Variants in OSBPL10 observed in about 807,000 individuals in gnomAD.
OSBPL10 encodes oxysterol binding protein like 10.
In OSBPL10, 49 loss-of-function variants were observed where a neutral mutation model predicts 81.7. The observed-to-expected ratio is 0.60, with a 90% CI of 0.48 to 0.76. The LOEUF is 0.76. OSBPL10 is among the 30% of genes least tolerant of loss of function. The pLI is 0.00. For synonymous variants in OSBPL10, 419 were observed against 383.6 expected (o/e 1.09, Z -1.08); for missense variants, 923 against 987.8 (o/e 0.93, Z 0.88).
intron 1 of OSBPL10, among the ~76,000 whole-genome samples, chr3:31,955,165 G>GA (rs544427182): frequency 1.7e-3 from 258 of 152,164 alleles, no homozygotes; most frequent in African/African-American, 5.8e-3. Flanking sequence ...TCAGACAAAA[G>GA]AAAAAAGGAA....
chr3:31,936,830 T>C (rs1697391045), intron 1 of OSBPL10, among the ~76,000 whole-genome samples: 1 of 152,226 alleles, frequency 6.6e-6, no homozygotes. Flanking sequence ...TATTCACTGC[T>C]GACTTTCAAG....
intron 2 of OSBPL10, among the ~76,000 whole-genome samples, chr3:32,020,419 C>A (rs73826053): frequency 6.6e-6 from 1 of 152,096 alleles, no homozygotes; most frequent in Admixed American, 6.5e-5. Context: ...TAGCTTTTTT[C>A]ATTTAGCATA....
chr3:31,715,539 A>T (rs1408597942), intron 6 of OSBPL10, among the ~76,000 whole-genome samples: 3 of 152,216 alleles, frequency 2.0e-5, no homozygotes, highest in Non-Finnish European at 4.4e-5. Flanking sequence ...TGGTAATAGA[A>T]AGTTCAGTGG....
chr3:31,858,848 A>T (rs1700992334), intron 3 of OSBPL10, among the ~76,000 whole-genome samples: 1 of 152,206 alleles, frequency 6.6e-6, no homozygotes, highest in African/African-American at 2.4e-5. Context: ...GGAAAGTCAT[A>T]ACAATCAGGT....
At chr3:31,826,401 T>C (rs1700101196) in intron 4 of OSBPL10, among the ~76,000 whole-genome samples, 1 of 152,220 alleles carries the variant, frequency 6.6e-6, no homozygotes, top group Non-Finnish European at 1.5e-5. Context: ...CCTAACCACT[T>C]CCTGAGAGGA....
At chr3:31,985,731 A>G, upstream of OSBPL10, among the ~76,000 whole-genome samples, 1 of 152,238 alleles carries the variant, frequency 6.6e-6, no homozygotes, top group East Asian at 1.9e-4. Context: ...TGTCTGTGTT[A>G]GAAACATGTG....
At chr3:31,779,621 C>T (rs1360163977) in intron 4 of OSBPL10, among the ~76,000 whole-genome samples, 4 of 152,088 alleles carry the variant, frequency 2.6e-5, no homozygotes, top group Admixed American at 1.3e-4. Context: ...CTTCATTACT[C>T]CACTGACAGC....
intron 4 of OSBPL10, among the ~76,000 whole-genome samples, chr3:31,801,933 C>G (rs1265194199): frequency 6.6e-6 from 1 of 152,052 alleles, no homozygotes; most frequent in South Asian, 2.1e-4. Flanking sequence ...AGCAAATTCT[C>G]CTGCCTCAGC....
chr3:31,726,263 G>T (rs1185400548), intron 6 of OSBPL10, among the ~76,000 whole-genome samples: 1 of 151,986 alleles, frequency 6.6e-6, no homozygotes, highest in African/African-American at 2.4e-5. Context: ...GATAACAGGG[G>T]GAGTGTACTA....
intron 4 of OSBPL10, among the ~76,000 whole-genome samples, chr3:31,800,153 T>C (rs1001076419): frequency 2.6e-5 from 4 of 152,240 alleles, no homozygotes; most frequent in African/African-American, 9.6e-5. Context: ...ATCACATTGA[T>C]GAAGTGGCCT....
At chr3:31,954,909 G>A (rs1282118589) in intron 1 of OSBPL10, among the ~76,000 whole-genome samples, 1 of 152,246 alleles carries the variant, frequency 6.6e-6, no homozygotes, top group African/African-American at 2.4e-5. Context: ...CAGATGGACA[G>A]ACATGTAAAA....
At chr3:31,777,955 G>A (rs765460118) in intron 4 of OSBPL10, among the ~76,000 whole-genome samples, 1 of 152,206 alleles carries the variant, frequency 6.6e-6, no homozygotes, top group Admixed American at 6.5e-5. Context: ...AGGTTGCAGG[G>A]TGAAAGAAGC....
At chr3:31,890,119 C>T (rs1443436824) in intron 1 of OSBPL10, among the ~76,000 whole-genome samples, 2 of 150,372 alleles carry the variant, frequency 1.3e-5, no homozygotes, top group Non-Finnish European at 2.9e-5. Context: ...CAGAAGCACC[C>T]TCAAGTACAA....
chr3:31,732,933 A>C, intron 6 of OSBPL10: 1 of 352,610 alleles, frequency 2.8e-6, no homozygotes, highest in Non-Finnish European at 5.2e-6. Context: ...ATATATTGTA[A>C]CTGCTCCCAT....
intron 1 of OSBPL10, among the ~76,000 whole-genome samples, chr3:32,048,499 G>T (rs1387305248): frequency 6.6e-6 from 1 of 151,942 alleles, no homozygotes; most frequent in Non-Finnish European, 1.5e-5. Flanking sequence ...TAGAGGCGGG[G>T]TTTCACCATG....
chr3:31,941,182 G>T (rs1269768246), intron 1 of OSBPL10, among the ~76,000 whole-genome samples: 1 of 152,016 alleles, frequency 6.6e-6, no homozygotes, highest in African/African-American at 2.4e-5. Context: ...AAGAATAAAA[G>T]GTCAGTATTT....
intron 2 of OSBPL10, chr3:32,030,827 T>A: frequency 1.9e-6 from 1 of 540,160 alleles, no homozygotes; most frequent in South Asian, 2.4e-5. Context: ...AAGGGAATGA[T>A]AAGATTACAT....
chr3:31,669,577 T>C (rs1341248817), intron 9 of OSBPL10, among the ~76,000 whole-genome samples: 1 of 152,156 alleles, frequency 6.6e-6, no homozygotes, highest in Non-Finnish European at 1.5e-5. Context: ...CTACTCACAG[T>C]AGTGGCTCTG....
At chr3:31,941,450 A>G (rs1360722037) in intron 1 of OSBPL10, among the ~76,000 whole-genome samples, 2 of 152,196 alleles carry the variant, frequency 1.3e-5, no homozygotes, top group Non-Finnish European at 2.9e-5. Flanking sequence ...AGTTAGCCCA[A>G]CAAATCTCTC....
Sources: gnomAD v4.1 joint callset for allele counts (sites outside exome capture counted in the v4.1 genomes callset) on GRCh38, gnomAD v4.1.1 for gene constraint, MANE v1.5 for transcripts, NCBI Gene and HGNC (gene_info 2026-07-23, HGNC 2026-07-21) for gene names.